Variants in GSX1 observed in about 807,000 individuals in gnomAD.
GSX1 encodes the protein GS homeobox 1, also known as GS homeo box protein 1.
Under a neutral mutation model 17.7 loss-of-function variants are expected in GSX1, and 13 were observed. The ratio of observed to expected loss-of-function variants is 0.74; its 90% CI spans 0.48 to 1.17. The LOEUF (loss-of-function observed/expected upper bound fraction) is 1.17. Ranked by LOEUF, GSX1 falls within the 50% of genes most tolerant of loss-of-function variation. The probability of loss-of-function intolerance (pLI) is 0.00; values close to 1 mark genes in which losing one functional copy is unlikely to be tolerated. For synonymous variants in GSX1, 202 were observed against 176.2 expected, an observed-to-expected ratio of 1.15 and a Z score of -1.16; for missense variants, 371 against 372.1, an observed-to-expected ratio of 1.00 and a Z score of 0.02.
At position 27,793,120 on chromosome 13, in the gene GSX1, G is replaced by A. The variant is rs1336846549; in HGVS notation, c.412+18G>A. ...CTCTGTGGGTAAGCGGGGCCGCCGC[G>A]CAGAGGGACCGGGCAGAGGTGATCC... On this transcript the variant is annotated intron_variant, in intron 1 of 1. Coordinates refer to ENST00000302945, the MANE Select transcript of GSX1 (RefSeq NM_145657.3). This position sits in a 1 kb window ranked among gnomAD's most constrained non-coding sequence, Gnocchi z 6.2. 2 of 1,518,592 alleles carry A rather than the reference G, an allele frequency of 1.3e-6. No individual in the cohort carries two copies. Among genetic ancestry groups the A allele is most frequent in the East Asian group, 4.8e-5 (2 of 41,718 alleles). The allele number at this position is 1,518,592 out of a possible 1,614,324, so 94.1% of individuals were successfully genotyped here. A position where few individuals can be genotyped will look rare whatever the true frequency, so the allele number is the denominator to read the frequency against.
Position 27,792,709 on chromosome 13 carries a change from G to T in GSX1, c.19G>T (p.Val7Leu). 3 of 1,444,300 alleles carry T rather than the reference G, an allele frequency of 2.1e-6. No individual in the cohort carries two copies. The highest frequency in any genetic ancestry group is 2.7e-6 in the Non-Finnish European group (3 of 1,107,734). 89.5% of individuals were successfully genotyped at this position (1,444,300 alleles called of 1,614,324 possible). A position where few individuals can be genotyped will look rare whatever the true frequency, so the allele number is the denominator to read the frequency against. ...CGGGGCCATGCCGCGCTCCTTCCTG[G>T]TGGACTCGCTAGTGCTGCGCGAGGC... MPRSFL[V>L]DSLVLREAGE... is the part of the protein sequence containing the mutation. The change falls in exon 1 of 2, where the codon GTG (valine) becomes TTG (leucine). Residue 7 changes from valine to leucine, a missense_variant. Val to Leu is a conservative substitution (Grantham distance 32, BLOSUM62 1). Transcript: ENST00000302945.
At position 27,793,799 on chromosome 13, in the gene GSX1, G is replaced by T. The variant is rs760103746; in HGVS notation, c.646G>T (p.Gly216Cys). The part of the protein sequence containing the change: ...GKGSNHRGGG[G>C]GGAGGGGSAP... ...GGGCAGCAACCATCGTGGCGGCGGCGGCGGGGGTGCCGGTGGTGGCGGGAG... is the reference window on the plus strand; with the variant it reads ...GGGCAGCAACCATCGTGGCGGCGGCTGCGGGGGTGCCGGTGGTGGCGGGAG... Residue 216 changes from glycine (G) to cysteine (C), a missense_variant, in exon 2 of 2, where the codon GGC becomes TGC. This residue lies in a region of GSX1 where 92 missense variants were observed against 70.0 expected (regional missense o/e 1.31). Coordinates refer to ENST00000302945, the MANE Select transcript of GSX1 (RefSeq NM_145657.3). This position sits in a 1 kb window ranked among gnomAD's most constrained non-coding sequence, Gnocchi z 6.2. 2.5e-6 allele frequency: 4 copies of T among 1,613,834 alleles called. No homozygotes were observed. The highest frequency in any genetic ancestry group is 3.4e-6 in the Non-Finnish European group (4 of 1,179,884).
Position 27,792,566 on chromosome 13 carries a change from G to T in GSX1, c.-125G>T. 2.5e-6 allele frequency: 2 copies of T among 809,284 alleles called. No individual in the cohort carries two copies. The highest frequency in any genetic ancestry group is 3.5e-6 in the Non-Finnish European group (2 of 575,256). 50.1% of individuals were successfully genotyped at this position (809,284 alleles called of 1,614,324 possible). ...TACTGTTTCAGCCTAGGTCTCAGCC[G>T]CGCGTTCAGCCTCCTGGGCAGAGGC... is the stretch of plus-strand genomic sequence containing the variant. On this transcript the variant is annotated 5_prime_UTR_variant, in exon 1 of 2. Coordinates refer to ENST00000302945, the MANE Select transcript of GSX1 (RefSeq NM_145657.3).
chr13:27,792,508 C>G lies in GSX1; in HGVS notation c.-183C>G, dbSNP rs1042951740. ...ACCACTAGCGCTGGCCAGCACCCCG[C>G]GCTCTTTGGGCGGTGCCCACGGCAG... On this transcript the variant is annotated 5_prime_UTR_variant, in exon 1 of 2. Transcript: ENST00000302945. 3.2e-5 allele frequency: 17 copies of G among 531,636 alleles called. No individual in the cohort carries two copies. The African/African-American group carries it at 3.2e-4, about 10-fold the overall frequency. The allele number at this position is 531,636 out of a possible 1,614,324, so 32.9% of individuals were successfully genotyped here. A position where few individuals can be genotyped will look rare whatever the true frequency, so the allele number is the denominator to read the frequency against.
At position 27,794,024 on chromosome 13, in the gene GSX1, T is replaced by C. The variant is rs1957085010; in HGVS notation, c.*76T>C. On this transcript the variant is annotated 3_prime_UTR_variant, in exon 2 of 2. Transcript: ENST00000302945. Reference sequence around the variant, plus strand: ...ACTAGTCCTGGGACTCAGCGCTGATTCCCAGGCACCCGCAGCCAAACCACT... The same window carrying C: ...ACTAGTCCTGGGACTCAGCGCTGATCCCCAGGCACCCGCAGCCAAACCACT... The C allele has an allele frequency of 6.9e-7, 1 of 1,455,300 alleles. No individual in the cohort carries two copies. The highest frequency in any genetic ancestry group is 9.2e-7 in the Non-Finnish European group (1 of 1,089,378). 90.1% of individuals were successfully genotyped at this position (1,455,300 alleles called of 1,614,324 possible). A position where few individuals can be genotyped will look rare whatever the true frequency, so the allele number is the denominator to read the frequency against.
chr13:27,793,166 A>G lies in GSX1; in HGVS notation c.412+64A>G. ...GATCCGAAGCAGGATGGAGAGCCAG[A>G]GATGGAGGAAGAGGGACCCTGGGCT... On this transcript the variant is annotated intron_variant, in intron 1 of 1. Transcript: ENST00000302945. This position sits in a 1 kb window ranked among gnomAD's most constrained non-coding sequence, Gnocchi z 6.2. The G allele has an allele frequency of 1.4e-6, 2 of 1,418,732 alleles. No homozygotes were observed. The highest frequency in any genetic ancestry group is 2.8e-5 in the Admixed American group (1 of 36,254). 87.9% of individuals were successfully genotyped at this position (1,418,732 alleles called of 1,614,324 possible). A position where few individuals can be genotyped will look rare whatever the true frequency, so the allele number is the denominator to read the frequency against.
rs534442911 is a variant in GSX1 at position 27,793,970 on chromosome 13, C to G, written c.*22C>G. 1 of 1,528,910 alleles carries G rather than the reference C, an allele frequency of 6.5e-7. No individual in the cohort carries two copies. Among genetic ancestry groups the G allele is most frequent in the African/African-American group, 1.4e-5 (1 of 72,490 alleles). 94.7% of individuals were successfully genotyped at this position (1,528,910 alleles called of 1,614,324 possible). A position where few individuals can be genotyped will look rare whatever the true frequency, so the allele number is the denominator to read the frequency against. ...CTAGGCGCGTGTCTCCCTAGGTCGC[C>G]CACCCCAAGACCTCCCTGCGCCTCG... On this transcript the variant is annotated 3_prime_UTR_variant, in exon 2 of 2. Transcript: ENST00000302945. The surrounding 1 kb of genome is among the most constrained non-coding windows in gnomAD (Gnocchi z 6.2).
rs1315099628 is a variant in GSX1, at chr13:27,792,879, C to T, written c.189C>T (p.Thr63=). The T allele has an allele frequency of 5.3e-6, 8 of 1,522,244 alleles. No individual in the cohort carries two copies. The highest frequency in any genetic ancestry group is 2.0e-5 in the Admixed American group (1 of 49,918). 94.3% of individuals were successfully genotyped at this position (1,522,244 alleles called of 1,614,324 possible). Residue 63 remains threonine (T), a synonymous_variant, in exon 1 of 2, where the codon ACC becomes ACT. Coordinates refer to ENST00000302945, the MANE Select transcript of GSX1 (RefSeq NM_145657.3). The part of the protein sequence containing the change: ...GLLCVCPLCV[T]ASQLHGPPGP... Reference sequence around the variant, plus strand: ...TGTGCGTGTGCCCGCTCTGCGTCACCGCCTCGCAGCTGCATGGGCCCCCCG... The same window carrying T: ...TGTGCGTGTGCCCGCTCTGCGTCACTGCCTCGCAGCTGCATGGGCCCCCCG...
chr13:27,793,894 C>T lies in GSX1; in HGVS notation c.741C>T (p.Pro247=), dbSNP rs777495455. ...AKCSEDDDEL[P]MSPSSSGKDD... ...GCTCCGAGGATGACGACGAATTGCC[C>T]ATGTCTCCGTCCTCCTCAGGGAAGG... Residue 247 remains proline (P), a synonymous_variant, in exon 2 of 2, where the codon CCC becomes CCT. Coordinates refer to ENST00000302945, the MANE Select transcript of GSX1 (RefSeq NM_145657.3). The surrounding 1 kb of genome is among the most constrained non-coding windows in gnomAD (Gnocchi z 6.2). The T allele has an allele frequency of 3.8e-6, 6 of 1,584,496 alleles. No homozygotes were observed. The highest frequency in any genetic ancestry group is 1.7e-5 in the Admixed American group (1 of 58,570).
Position 27,793,051 on chromosome 13 carries a change from C to G in GSX1, c.361C>G (p.Gln121Glu), listed in dbSNP as rs1322523067. 6.3e-7 allele frequency: 1 copy of G among 1,586,780 alleles called. No homozygotes were observed. Among genetic ancestry groups the G allele is most frequent in the African/African-American group, 1.3e-5 (1 of 74,464 alleles). The stretch of plus-strand genomic sequence containing the variant: ...CGCTGCTGCTGCCGCCGCGCTCTAC[C>G]AGACCTCCTACCCGCTGCCTGACCC... Reference protein sequence around the residue: ...AAAAAAAALYQTSYPLPDPRQ... With the variant: ...AAAAAAAALYETSYPLPDPRQ... Residue 121 changes from glutamine (Q) to glutamate (E), a missense_variant, in exon 1 of 2, where the codon CAG (glutamine) becomes GAG (glutamate). By Grantham distance (29) the Gln-to-Glu change is conservative. This residue lies in a region of GSX1 where 212 missense variants were observed against 193.9 expected (regional missense o/e 1.09). Coordinates refer to ENST00000302945, the MANE Select transcript of GSX1 (RefSeq NM_145657.3). The surrounding 1 kb of genome is among the most constrained non-coding windows in gnomAD (Gnocchi z 6.2).
rs1044663616 is a variant in GSX1 at position 27,794,149 on chromosome 13, G to T, written c.*201G>T. ...CCATGGCGTCCCCGCCCCAGGGCTC[G>T]CTCGTGTCCAAAGCCAACTCCAAGC... On this transcript the variant is annotated 3_prime_UTR_variant, in exon 2 of 2. Transcript: ENST00000302945. The T allele has an allele frequency of 6.6e-6, 4 of 604,052 alleles. No homozygotes were observed. Among genetic ancestry groups the T allele is most frequent in the African/African-American group, 5.6e-5 (3 of 53,926 alleles). The allele number at this position is 604,052 out of a possible 1,614,324, so 37.4% of individuals were successfully genotyped here.
At position 27,793,995 on chromosome 13, in the gene GSX1, G is replaced by C; in HGVS notation, c.*47G>C. 3 of 1,512,414 alleles carry C rather than the reference G, an allele frequency of 2.0e-6. No homozygotes were observed. Among genetic ancestry groups the C allele is most frequent in the Non-Finnish European group, 2.6e-6 (3 of 1,132,958 alleles). 93.7% of individuals were successfully genotyped at this position (1,512,414 alleles called of 1,614,324 possible). On this transcript the variant is annotated 3_prime_UTR_variant, in exon 2 of 2. Coordinates refer to ENST00000302945, the MANE Select transcript of GSX1 (RefSeq NM_145657.3). This position sits in a 1 kb window ranked among gnomAD's most constrained non-coding sequence, Gnocchi z 6.2. ...CCACCCCAAGACCTCCCTGCGCCTC[G>C]GAGACTAGTCCTGGGACTCAGCGCT... is the stretch of plus-strand genomic sequence containing the variant.
Position 27,793,676 on chromosome 13 carries a change from C to T in GSX1, c.523C>T (p.Leu175=). ...CGCTTCTAATATGTACCTGTCCCGC[C>T]TACGTCGCATCGAGATCGCGACCTA... is the stretch of plus-strand genomic sequence containing the variant. ...EFASNMYLSR[L]RRIEIATYLN... Residue 175 remains leucine, a synonymous_variant, in exon 2 of 2, where the codon CTA becomes TTA. Coordinates refer to ENST00000302945, the MANE Select transcript of GSX1 (RefSeq NM_145657.3). The surrounding 1 kb of genome is among the most constrained non-coding windows in gnomAD (Gnocchi z 6.2). 1 of 1,614,206 alleles carries T rather than the reference C, an allele frequency of 6.2e-7. No individual in the cohort carries two copies. Among genetic ancestry groups the T allele is most frequent in the African/African-American group, 1.3e-5 (1 of 75,046 alleles).
At position 27,793,623 on chromosome 13, in the gene GSX1, C is replaced by A; in HGVS notation, c.470C>A (p.Thr157Lys). Reference sequence around the variant, plus strand: ...AGGATGCGCACGGCTTTCACCAGCACGCAGCTGCTAGAGCTGGAGCGCGAG... The same window carrying A: ...AGGATGCGCACGGCTTTCACCAGCAAGCAGCTGCTAGAGCTGGAGCGCGAG... ...SKRMRTAFTS[T>K]QLLELEREFA... The change falls in exon 2 of 2, where the codon ACG becomes AAG. Residue 157 changes from threonine (T) to lysine (K), a missense_variant. Physicochemically the swap from Thr to Lys is moderately conservative, Grantham distance 78. Transcript: ENST00000302945. This position sits in a 1 kb window ranked among gnomAD's most constrained non-coding sequence, Gnocchi z 6.2. 6.2e-7 allele frequency: 1 copy of A among 1,614,140 alleles called. No individual in the cohort carries two copies. The highest frequency in any genetic ancestry group is 2.2e-5 in the East Asian group (1 of 44,880).
chr13:27,793,834 A>G lies in GSX1; in HGVS notation c.681A>G (p.Gln227=), dbSNP rs745403977. ...CCGGTGGTGGCGGGAGCGCACCGCA[A>G]GGCTGCAAGTGCGCATCGCTCTCCT... The part of the protein sequence containing the change: ...GGAGGGGSAP[Q]GCKCASLSSA... Residue 227 remains glutamine (Q), a synonymous_variant, in exon 2 of 2, where the codon CAA becomes CAG. Coordinates refer to ENST00000302945, the MANE Select transcript of GSX1 (RefSeq NM_145657.3). This position sits in a 1 kb window ranked among gnomAD's most constrained non-coding sequence, Gnocchi z 6.2. 1.1e-5 allele frequency: 17 copies of G among 1,612,240 alleles called. No homozygotes were observed. Among genetic ancestry groups the G allele is most frequent in the Non-Finnish European group, 1.3e-5 (15 of 1,179,064 alleles).
chr13:27,794,152 C>T lies in GSX1; in HGVS notation c.*204C>T. ...TGGCGTCCCCGCCCCAGGGCTCGCT[C>T]GTGTCCAAAGCCAACTCCAAGCTGT... On this transcript the variant is annotated 3_prime_UTR_variant, in exon 2 of 2. Coordinates refer to ENST00000302945, the MANE Select transcript of GSX1 (RefSeq NM_145657.3). 1 of 597,780 alleles carries T rather than the reference C, an allele frequency of 1.7e-6. No homozygotes were observed. Among genetic ancestry groups the T allele is most frequent in the African/African-American group, 1.9e-5 (1 of 53,924 alleles). The allele number at this position is 597,780 out of a possible 1,614,324, so 37.0% of individuals were successfully genotyped here. A position where few individuals can be genotyped will look rare whatever the true frequency, so the allele number is the denominator to read the frequency against.
Position 27,792,975 on chromosome 13 carries a change from G to T in GSX1, c.285G>T (p.Leu95=). The stretch of plus-strand genomic sequence containing the variant: ...GCTCGCAGTACTGCCACGCGCCCCT[G>T]GGCCGCCAGCACTCTGCTGTGTCGC... ...PFGSQYCHAP[L]GRQHSAVSPG... Residue 95 remains leucine, a synonymous_variant, in exon 1 of 2, where the codon CTG becomes CTT. Transcript: ENST00000302945. 1 of 1,554,076 alleles carries T rather than the reference G, an allele frequency of 6.4e-7. No homozygotes were observed. The highest frequency in any genetic ancestry group is 1.2e-5 in the South Asian group (1 of 85,720).
chr13:27,794,418 T>C lies in GSX1; in HGVS notation c.*470T>C, dbSNP rs1451650689. ...GTCCCTCCCCACCTCTTTCCTGTGA[T>C]CATTTATTCACTCGGCCCCCGCCCG... On this transcript the variant is annotated 3_prime_UTR_variant, in exon 2 of 2. Coordinates refer to ENST00000302945, the MANE Select transcript of GSX1 (RefSeq NM_145657.3). 1 of 154,394 alleles carries C rather than the reference T, an allele frequency of 6.5e-6. No homozygotes were observed. Among genetic ancestry groups the C allele is most frequent in the African/African-American group, 2.4e-5 (1 of 41,190 alleles). The allele number at this position is 154,394 out of a possible 1,614,324, so 9.6% of individuals were successfully genotyped here.
Position 27,792,520 on chromosome 13 carries a change from G to C in GSX1, c.-171G>C, listed in dbSNP as rs944674101. On this transcript the variant is annotated 5_prime_UTR_variant, in exon 1 of 2. Transcript: ENST00000302945. Reference sequence around the variant, plus strand: ...GGCCAGCACCCCGCGCTCTTTGGGCGGTGCCCACGGCAGCAGAGGCTACTG... The same window carrying C: ...GGCCAGCACCCCGCGCTCTTTGGGCCGTGCCCACGGCAGCAGAGGCTACTG... The C allele has an allele frequency of 8.8e-6, 5 of 569,062 alleles. No individual in the cohort carries two copies. The highest frequency in any genetic ancestry group is 2.0e-5 in the African/African-American group (1 of 50,566). The allele number at this position is 569,062 out of a possible 1,614,324, so 35.3% of individuals were successfully genotyped here.
Sources: gnomAD v4.1 joint callset for allele counts on GRCh38, gnomAD v4.1.1 for gene constraint, gnomAD v4.1.1 regional missense constraint, Gnocchi (gnomAD v3.1) non-coding constraint, MANE v1.5 for transcripts, NCBI Gene and HGNC (gene_info 2026-07-23, HGNC 2026-07-21) for gene names.